The following COL21A1 variants were observed in gnomAD, a reference collection of about 807,000 sequenced individuals.
COL21A1 encodes the protein collagen type XXI alpha 1 chain.
A neutral mutation model predicts 137.9 loss-of-function variants in COL21A1; 149 were observed. The ratio of observed to expected loss-of-function variants is 1.08; its 90% CI spans 0.95 to 1.24. The LOEUF is 1.24. Ranked by LOEUF, COL21A1 falls within the 50% of genes most tolerant of loss-of-function variation. The probability of loss-of-function intolerance (pLI) is 0.00; values close to 1 mark genes in which losing one functional copy is unlikely to be tolerated. For synonymous variants in COL21A1, 456 were observed against 391.5 expected (o/e 1.16, Z -1.95); for missense variants, 1,167 against 1,158.4 (o/e 1.01, Z -0.11).
rs571083482 is a variant in COL21A1 at position 56,072,147 on chromosome 6, A to C, written c.1966-1349T>G. Among the ~76,000 whole-genome samples the C allele has an allele frequency of 2.2e-4, 34 of 151,684 alleles. 1 individual carries two copies. The South Asian group carries it at 7.1e-3, about 31-fold the overall frequency. The stretch of plus-strand genomic sequence containing the variant: ...TGTATCCATATCCCTGGCAAAGGAC[A>C]TGACCTCGTTGTTTTTTATGGCTGC... On this transcript the variant is annotated intron_variant, in intron 20 of 29. Coordinates refer to ENST00000244728, the MANE Select transcript of COL21A1 (RefSeq NM_030820.4).
chr6:56,099,400 C>A (rs1195657999), intron 17 of COL21A1, among the ~76,000 whole-genome samples: 2 of 151,446 alleles, frequency 1.3e-5, no homozygotes, highest in Admixed American at 6.6e-5. Context: ...CCACGCCTGG[C>A]TAATTTTTTG....
intron 24 of COL21A1, among the ~76,000 whole-genome samples, chr6:56,063,007 G>C (rs1328068708): frequency 6.6e-6 from 1 of 152,126 alleles, no homozygotes; most frequent in African/African-American, 2.4e-5. Flanking sequence ...TAGAGTGACA[G>C]GTAACTAAGA....
intron 2 of COL21A1, among the ~76,000 whole-genome samples, chr6:56,181,139 T>C (rs1777860318): frequency 1.3e-5 from 2 of 152,180 alleles, no homozygotes; most frequent in African/African-American, 4.8e-5. Flanking sequence ...GTCTCAAAAA[T>C]GTGTCTGTGA....
Position 56,371,293 on chromosome 6 carries a change from A to G in COL21A1, c.-39+22678T>C, listed in dbSNP as rs181019631. The stretch of plus-strand genomic sequence containing the variant: ...TGCAGAAAGAGGATTTAGGGACTAC[A>G]TTTGTACACTGGGATAGGGTAAGAT... On this transcript the variant is annotated intron_variant, in intron 1 of 28. Coordinates refer to the COL21A1 transcript ENST00000370819. Among the ~76,000 whole-genome samples, 9 of 152,352 alleles carry G rather than the reference A, an allele frequency of 5.9e-5. No individual in the cohort carries two copies. In the East Asian group the frequency reaches 1.7e-3, roughly 29 times the overall value.
chr6:56,363,061 A>G (rs1477622116), intron 1 of COL21A1, among the ~76,000 whole-genome samples: 1 of 152,212 alleles, frequency 6.6e-6, no homozygotes, highest in Non-Finnish European at 1.5e-5. Context: ...TTCTTCCTAG[A>G]AACATGAATG....
At chr6:56,323,903 G>T (rs568703406) in intron 1 of COL21A1, among the ~76,000 whole-genome samples, 45 of 152,206 alleles carry the variant, frequency 3.0e-4, no homozygotes, top group Non-Finnish European at 6.3e-4. Flanking sequence ...CTACACAGAT[G>T]GGGAGAGGGT....
intron 1 of COL21A1, among the ~76,000 whole-genome samples, chr6:56,231,459 C>T (rs1044487857): frequency 2.0e-5 from 3 of 151,752 alleles, no homozygotes; most frequent in African/African-American, 7.2e-5. Context: ...TCTCTGTATC[C>T]CAACCAAGAC....
intron 1 of COL21A1, among the ~76,000 whole-genome samples, chr6:56,208,207 A>T (rs1339262325): frequency 6.6e-6 from 1 of 152,170 alleles, no homozygotes; most frequent in Non-Finnish European, 1.5e-5. Flanking sequence ...GAGAAAAAAA[A>T]TAAAGGGTAT....
chr6:56,301,801 C>T (rs991212385), intron 1 of COL21A1, among the ~76,000 whole-genome samples: 3 of 151,978 alleles, frequency 2.0e-5, no homozygotes, highest in Admixed American at 2.0e-4. Context: ...TGCTGGTGTG[C>T]TGCACCCAGT....
intron 1 of COL21A1, among the ~76,000 whole-genome samples, chr6:56,275,406 A>T (rs1448320764): frequency 2.0e-5 from 3 of 152,184 alleles, no homozygotes; most frequent in African/African-American, 7.2e-5. Context: ...AAAATAAATG[A>T]TCAATAGAAT....
intron 1 of COL21A1, among the ~76,000 whole-genome samples, chr6:56,388,559 A>T (rs1433520262): frequency 6.6e-6 from 1 of 152,162 alleles, no homozygotes; most frequent in Non-Finnish European, 1.5e-5. Context: ...GGATTTGGGG[A>T]ACTCCCTGTC....
At chr6:56,359,897 T>C (rs552833537) in intron 1 of COL21A1, among the ~76,000 whole-genome samples, 1 of 152,104 alleles carries the variant, frequency 6.6e-6, no homozygotes, top group African/African-American at 2.4e-5. Context: ...ATCTAATTTG[T>C]GATCTTCCTT....
At chr6:56,348,986 A>G (rs1765653447) in intron 1 of COL21A1, among the ~76,000 whole-genome samples, 3 of 152,226 alleles carry the variant, frequency 2.0e-5, no homozygotes, top group African/African-American at 7.2e-5. Flanking sequence ...CTGAGTGATG[A>G]AGATGCTAAA....
At chr6:56,142,509 G>A (rs569173321) in intron 10 of COL21A1, among the ~76,000 whole-genome samples, 18 of 152,272 alleles carry the variant, frequency 1.2e-4, no homozygotes, top group Non-Finnish European at 2.4e-4. Flanking sequence ...GTCCCCCAAA[G>A]CTGGGCTGTT....
intron 10 of COL21A1, among the ~76,000 whole-genome samples, chr6:56,145,294 A>G (rs1363407706): frequency 6.6e-6 from 1 of 152,204 alleles, no homozygotes; most frequent in African/African-American, 2.4e-5. Context: ...TGTGATATGT[A>G]TATTTTTAAG....
chr6:56,199,980 G>A (rs1318736283), intron 1 of COL21A1, among the ~76,000 whole-genome samples: 1 of 152,198 alleles, frequency 6.6e-6, no homozygotes, highest in African/African-American at 2.4e-5. Context: ...CTTGAGGCCA[G>A]GAGGAGAGGA....
At chr6:56,134,953 A>T (rs1226853489) in intron 12 of COL21A1, among the ~76,000 whole-genome samples, 3 of 152,118 alleles carry the variant, frequency 2.0e-5, no homozygotes, top group African/African-American at 7.2e-5. Context: ...GTATGTCTTT[A>T]TTGTATTAGT....
chr6:56,227,939 G>A (rs538178382), intron 1 of COL21A1, among the ~76,000 whole-genome samples: 96 of 151,966 alleles, frequency 6.3e-4, no homozygotes, highest in African/African-American at 1.9e-3. Context: ...GGCAAACCAG[G>A]GATTTGCTAG....
At chr6:56,196,538 T>C (rs1363233128) in intron 1 of COL21A1, among the ~76,000 whole-genome samples, 2 of 152,148 alleles carry the variant, frequency 1.3e-5, no homozygotes, top group East Asian at 1.9e-4. Flanking sequence ...AATCAACATA[T>C]AAAAGTCAGT....
Sources: gnomAD v4.1 joint callset for allele counts (sites outside exome capture counted in the v4.1 genomes callset) on GRCh38, gnomAD v4.1.1 for gene constraint, MANE v1.5 for transcripts, NCBI Gene and HGNC (gene_info 2026-07-23, HGNC 2026-07-21) for gene names.